FGF14: variants seen among roughly 807,000 people sequenced by gnomAD.
FGF14 encodes the protein fibroblast growth factor homologous factor 4.
Under a neutral mutation model 25.5 loss-of-function variants are expected in FGF14, and 5 were observed. The ratio of observed to expected loss-of-function variants is 0.20; its 90% CI spans 0.10 to 0.41. The LOEUF (loss-of-function observed/expected upper bound fraction) is 0.41, where lower values mean the gene tolerates loss of function less well. Ranked by LOEUF, FGF14 falls within the 10% of genes least tolerant of loss-of-function variation. The pLI is 1.00. For synonymous variants in FGF14, 138 were observed against 118.3 expected (o/e 1.17, Z -1.08); for missense variants, 222 against 320.1 (o/e 0.69, Z 2.34).
chr13:102,014,411 C>G (rs570462856), intron 1 of FGF14, among the ~76,000 whole-genome samples: 1 of 152,160 alleles, frequency 6.6e-6, no homozygotes, highest in Non-Finnish European at 1.5e-5. Flanking sequence ...CCTAATAGTG[C>G]ACGGAAAAAG....
intron 3 of FGF14, among the ~76,000 whole-genome samples, chr13:101,867,226 T>A (rs551016492): frequency 1.3e-5 from 2 of 152,258 alleles, no homozygotes; most frequent in South Asian, 4.1e-4. Context: ...CCAAGCATAA[T>A]CAATACTTTT....
At chr13:101,843,832 T>C (rs1032080263) in intron 3 of FGF14, among the ~76,000 whole-genome samples, 6 of 151,998 alleles carry the variant, frequency 3.9e-5, no homozygotes, top group African/African-American at 1.2e-4. Flanking sequence ...GTGAAATGCA[T>C]GTAAAGAGAG....
Position 101,916,458 on chromosome 13 carries a change from C to G in FGF14, c.188G>C (p.Arg63Pro). 1.2e-6 allele frequency: 2 copies of G among 1,613,940 alleles called. No homozygotes were observed. The highest frequency in any genetic ancestry group is 2.7e-5 in the African/African-American group (2 of 75,058). The change falls in exon 1 of 5, where the codon CGC becomes CCC. Residue 63 changes from arginine to proline, a missense_variant. Transcript: ENST00000376143. ...IFGLKKRRLR[R>P]QDPQLKGIVT... ...CGACCATGACCCCCACAGACCTTGGCGCCGCAACCTGCGCTTCTTGAGGCC... is the reference window on the plus strand; with the variant it reads ...CGACCATGACCCCCACAGACCTTGGGGCCGCAACCTGCGCTTCTTGAGGCC...
chr13:102,091,293 C>G (rs925752530), intron 1 of FGF14, among the ~76,000 whole-genome samples: 1 of 152,114 alleles, frequency 6.6e-6, no homozygotes, highest in Non-Finnish European at 1.5e-5. Flanking sequence ...ACCCTGCAAA[C>G]TACATTCTGC....
intron 1 of FGF14, among the ~76,000 whole-genome samples, chr13:102,108,272 A>G (rs1293954377): frequency 6.6e-6 from 1 of 152,178 alleles, no homozygotes; most frequent in Non-Finnish European, 1.5e-5. Flanking sequence ...CTGTGTTGCA[A>G]GTGTAATTTT....
intron 1 of FGF14, among the ~76,000 whole-genome samples, chr13:102,021,350 C>A (rs76719169): frequency 6.6e-6 from 1 of 151,968 alleles, no homozygotes; most frequent in South Asian, 2.1e-4. Flanking sequence ...AGAGTAAGTG[C>A]GTTGTGCTCT....
intron 1 of FGF14, among the ~76,000 whole-genome samples, chr13:102,161,354 C>T (rs1006404650): frequency 7.2e-5 from 11 of 151,984 alleles, no homozygotes; most frequent in South Asian, 2.1e-4. Flanking sequence ...ATAATCCTGC[C>T]GTTCCAGTTG....
intron 1 of FGF14, among the ~76,000 whole-genome samples, chr13:102,376,135 G>A (rs1397793229): frequency 2.6e-5 from 4 of 152,068 alleles, no homozygotes; most frequent in Non-Finnish European, 4.4e-5. Flanking sequence ...GTAATAATCC[G>A]CATGTGTCAA....
chr13:101,806,852 T>C lies in FGF14; in HGVS notation c.408+61873A>G, dbSNP rs2041234215. ...GTCATGTTTGGGGAGTAAAGACTAT[T>C]GTTCCTGAAAAGAATCCTGGGGTTC... On this transcript the variant is annotated intron_variant, in intron 3 of 4. Coordinates refer to ENST00000376143, the MANE Select transcript of FGF14 (RefSeq NM_004115.4). Among the ~76,000 whole-genome samples, 3 of 152,132 alleles carry C rather than the reference T, an allele frequency of 2.0e-5. No homozygotes were observed. The South Asian group carries it at 6.2e-4, about 32-fold the overall frequency.
chr13:102,040,473 A>C (rs186649597), intron 1 of FGF14, among the ~76,000 whole-genome samples: 1 of 152,292 alleles, frequency 6.6e-6, no homozygotes, highest in East Asian at 1.9e-4. Flanking sequence ...AACAGTAACA[A>C]AGAGTCTTAT....
At chr13:102,358,908 T>C (rs1446327158) in intron 1 of FGF14, among the ~76,000 whole-genome samples, 1 of 152,076 alleles carries the variant, frequency 6.6e-6, no homozygotes, top group Admixed American at 6.6e-5. Context: ...AGTGAATACA[T>C]GGAATCTACC....
At chr13:102,237,184 C>T (rs1362825494) in intron 1 of FGF14, among the ~76,000 whole-genome samples, 1 of 152,216 alleles carries the variant, frequency 6.6e-6, no homozygotes, top group African/African-American at 2.4e-5. Flanking sequence ...TCAACACTCC[C>T]ACTCACCTGA....
intron 1 of FGF14, among the ~76,000 whole-genome samples, chr13:102,126,022 T>G (rs1404242996): frequency 6.6e-6 from 1 of 152,140 alleles, no homozygotes; most frequent in African/African-American, 2.4e-5. Context: ...TGTCCATGGT[T>G]ACCAGCATCA....
At chr13:102,254,646 G>A (rs1456864106) in intron 1 of FGF14, among the ~76,000 whole-genome samples, 3 of 152,028 alleles carry the variant, frequency 2.0e-5, no homozygotes, top group South Asian at 2.1e-4. Flanking sequence ...TTGACATTTG[G>A]GGGGCTAAAG....
intron 3 of FGF14, among the ~76,000 whole-genome samples, chr13:101,796,426 C>T (rs2040526461): frequency 6.6e-6 from 1 of 151,946 alleles, no homozygotes; most frequent in African/African-American, 2.4e-5. Context: ...ACTGGGGGGT[C>T]CTTATGCCCC....
chr13:101,907,534 C>T (rs1204825404), intron 1 of FGF14, among the ~76,000 whole-genome samples: 1 of 152,106 alleles, frequency 6.6e-6, no homozygotes, highest in African/African-American at 2.4e-5. Flanking sequence ...TGATCACTTG[C>T]AGGTCATGGG....
At chr13:101,877,210 G>A (rs2140488766) in intron 1 of FGF14, among the ~76,000 whole-genome samples, 1 of 152,206 alleles carries the variant, frequency 6.6e-6, no homozygotes, top group South Asian at 2.1e-4. Flanking sequence ...CTCATTTTGG[G>A]TGAGGGAGCA....
chr13:102,142,849 T>C (rs114984745), intron 1 of FGF14, among the ~76,000 whole-genome samples: 2,670 of 152,308 alleles, frequency 0.018, 79 homozygotes, highest in African/African-American at 0.061. Context: ...AAGGAGTTAA[T>C]AGATGTTCAT....
At chr13:102,249,645 C>T (rs571575886) in intron 1 of FGF14, among the ~76,000 whole-genome samples, 8 of 152,180 alleles carry the variant, frequency 5.3e-5, no homozygotes, top group Admixed American at 2.0e-4. Flanking sequence ...AAATATGTAA[C>T]GCTGAATGTT....
Sources: gnomAD v4.1 joint callset for allele counts (sites outside exome capture counted in the v4.1 genomes callset) on GRCh38, gnomAD v4.1.1 for gene constraint, MANE v1.5 for transcripts, NCBI Gene and HGNC (gene_info 2026-07-23, HGNC 2026-07-21) for gene names.